TMEM131L: variants seen among roughly 807,000 people sequenced by gnomAD.
The protein encoded by TMEM131L is transmembrane 131 like.
Under a neutral mutation model 192.2 loss-of-function variants are expected in TMEM131L, and 54 were observed. The ratio of observed to expected loss-of-function variants is 0.28; its 90% confidence interval spans 0.23 to 0.35. The LOEUF (loss-of-function observed/expected upper bound fraction) is 0.35. Ranked by LOEUF, TMEM131L falls within the 10% of genes least tolerant of loss-of-function variation. TMEM131L has a pLI of 1.00. For synonymous variants in TMEM131L, 701 were observed against 704.9 expected, an observed-to-expected ratio of 0.99 and a Z score of 0.09; for missense variants, 1,888 against 1,972.9, an observed-to-expected ratio of 0.96 and a Z score of 0.82.
rs1731235955 is a variant in TMEM131L at position 153,593,783 on chromosome 4, G to A, written c.1923-16G>A. 1.3e-6 allele frequency: 2 copies of A among 1,579,770 alleles called. No individual in the cohort carries two copies. The highest frequency in any genetic ancestry group is 1.3e-5 in the African/African-American group (1 of 74,362). ...GATGTGAGTGCTGTTTTAAACATTT[G>A]CTTTTTTCCTTATAGGTTTGGCACT... is the stretch of plus-strand genomic sequence containing the variant. On this transcript the variant is annotated splice_polypyrimidine_tract_variant and intron_variant, in intron 18 of 34. Transcript: ENST00000409959.
intron 3 of TMEM131L, among the ~76,000 whole-genome samples, chr4:153,512,654 G>T (rs1224428169): frequency 1.3e-5 from 2 of 151,840 alleles, no homozygotes; most frequent in African/African-American, 4.8e-5. Flanking sequence ...TTGCTCTGTC[G>T]CCAGGCTGGA....
At chr4:153,517,844 G>A (rs1241752579) in intron 3 of TMEM131L, among the ~76,000 whole-genome samples, 2 of 152,196 alleles carry the variant, frequency 1.3e-5, no homozygotes, top group East Asian at 3.8e-4. Context: ...AATGGTGGTA[G>A]TAGGCACCCA....
In TMEM131L at chr4:153,636,386, A is replaced by G. The variant is rs1294382055; in HGVS notation, c.4643A>G (p.Asn1548Ser). ...GCCCCGCAAAGCGATGTGTATGAAA[A>G]TTGCTGCCCCATCAACCCCACCACG... ...IWAPQSDVYE[N>S]CCPINPTTEH... Residue 1548 changes from asparagine (N) to serine (S), a missense_variant, in exon 35 of 35, where the codon AAT becomes AGT. Transcript: ENST00000409959. 6.2e-7 allele frequency: 1 copy of G among 1,614,076 alleles called. No homozygotes were observed. Among genetic ancestry groups the G allele is most frequent in the South Asian group, 1.1e-5 (1 of 91,076 alleles).
At chr4:153,529,165 A>G (rs1203906721) in intron 3 of TMEM131L, among the ~76,000 whole-genome samples, 1 of 152,112 alleles carries the variant, frequency 6.6e-6, no homozygotes, top group Non-Finnish European at 1.5e-5. Flanking sequence ...CATGTCTTTG[A>G]ACCTTGACTT....
intron 2 of TMEM131L, among the ~76,000 whole-genome samples, chr4:153,472,013 C>T (rs1465750732): frequency 6.6e-6 from 1 of 151,962 alleles, no homozygotes; most frequent in African/African-American, 2.4e-5. Flanking sequence ...GAATCATTGA[C>T]CAGTATTTGG....
intron 20 of TMEM131L, among the ~76,000 whole-genome samples, 159 bp from the exon 21 acceptor site, chr4:153,598,431 A>G (rs1333237335): frequency 1.3e-5 from 2 of 152,214 alleles, no homozygotes; most frequent in African/African-American, 2.4e-5. Context: ...TTATTCTGTG[A>G]GATGGAAGAA....
chr4:153,622,122 C>G (rs1733467047), intron 28 of TMEM131L, among the ~76,000 whole-genome samples: 1 of 152,202 alleles, frequency 6.6e-6, no homozygotes, highest in African/African-American at 2.4e-5. Flanking sequence ...TGCTTGCTTG[C>G]TGCAGATAGG....
intron 26 of TMEM131L, among the ~76,000 whole-genome samples, chr4:153,617,568 A>G (rs942834890): frequency 2.0e-5 from 3 of 152,082 alleles, no homozygotes; most frequent in African/African-American, 7.2e-5. Flanking sequence ...ATTTTCCTTC[A>G]TTTTTTGTAG....
chr4:153,526,512 A>G (rs960514022), intron 3 of TMEM131L, among the ~76,000 whole-genome samples: 2 of 152,006 alleles, frequency 1.3e-5, no homozygotes, highest in Non-Finnish European at 2.9e-5. Flanking sequence ...AGGCAGGTGG[A>G]TCACGAGGTC....
rs766597925 is a variant in TMEM131L at position 153,602,740 on chromosome 4, T to G, written c.2639+13T>G. 6.2e-7 allele frequency: 1 copy of G among 1,612,744 alleles called. No individual in the cohort carries two copies. The highest frequency in any genetic ancestry group is 1.1e-5 in the South Asian group (1 of 90,974). On this transcript the variant is annotated intron_variant, in intron 23 of 34. Coordinates refer to ENST00000409959, the MANE Select transcript of TMEM131L (RefSeq NM_001131007.2). The stretch of plus-strand genomic sequence containing the variant: ...TCTTCTTTGTCAGGTAAACCACTAC[T>G]GTCTCCCTTGTTCTCTCACTGAGTA...
chr4:153,553,720 C>T (rs10034485), intron 4 of TMEM131L, among the ~76,000 whole-genome samples: 66,162 of 152,004 alleles, frequency 0.44, 18,259 homozygotes, highest in African/African-American at 0.78. Context: ...TCTTGTTACT[C>T]GGTTGCCTTC....
chr4:153,601,252 C>G (rs534646957), intron 21 of TMEM131L, among the ~76,000 whole-genome samples: 1 of 152,122 alleles, frequency 6.6e-6, no homozygotes, highest in Non-Finnish European at 1.5e-5. Flanking sequence ...TAGAACCAGA[C>G]CTGTCGCCAT....
intron 25 of TMEM131L, among the ~76,000 whole-genome samples, chr4:153,607,351 T>G (rs928984637): frequency 7.9e-5 from 12 of 152,246 alleles, no homozygotes; most frequent in African/African-American, 2.9e-4. Context: ...TATTTTACTT[T>G]GTGAAATGTG....
chr4:153,552,909 A>G (rs1245924839), intron 4 of TMEM131L, among the ~76,000 whole-genome samples: 8 of 151,696 alleles, frequency 5.3e-5, no homozygotes, highest in Non-Finnish European at 1.2e-4. Flanking sequence ...AAATAGTTAT[A>G]CTGTATCTCT....
Position 153,470,939 on chromosome 4 carries a change from G to A in TMEM131L, c.196-2906G>A, listed in dbSNP as rs567659252. 9.2e-5 allele frequency among the ~76,000 whole-genome samples: 14 copies of A among 151,982 alleles called. 1 individual carries two copies. In the South Asian group the frequency reaches 2.5e-3, roughly 27 times the overall value. On this transcript the variant is annotated intron_variant, in intron 2 of 34. Transcript: ENST00000409959. ...CCTGCCCTGCAGTGGCATTGTCATCGTTTCTCCCTCTTTGAGTTTCTTGTA... is the reference window on the plus strand; with the variant it reads ...CCTGCCCTGCAGTGGCATTGTCATCATTTCTCCCTCTTTGAGTTTCTTGTA...
intron 3 of TMEM131L, among the ~76,000 whole-genome samples, chr4:153,510,743 G>A (rs999893111): frequency 6.6e-6 from 1 of 152,062 alleles, no homozygotes; most frequent in South Asian, 2.1e-4. Flanking sequence ...TTAGCTGGAC[G>A]CGGTGGCACG....
chr4:153,466,402 C>T lies in TMEM131L; in HGVS notation c.5C>T (p.Ala2Val), dbSNP rs1248891431. ...GAGAGGAGCGCGAGCAGCAGCATGG[C>T]GGGGCTCCGACGCCCGCAGCCCGGC... Reference protein sequence around the residue: MAGLRRPQPGCY... With the variant: MVGLRRPQPGCY... Residue 2 changes from alanine to valine, a missense_variant, in exon 1 of 35, where the codon GCG becomes GTG. Ala to Val is a moderately conservative substitution (Grantham distance 64). Coordinates refer to ENST00000409959, the MANE Select transcript of TMEM131L (RefSeq NM_001131007.2). The T allele has an allele frequency of 7.5e-6, 10 of 1,338,724 alleles. No homozygotes were observed. The highest frequency in any genetic ancestry group is 4.5e-5 in the African/African-American group (3 of 66,118). The allele number at this position is 1,338,724 out of a possible 1,614,324, so 82.9% of individuals were successfully genotyped here. A position where few individuals can be genotyped will look rare whatever the true frequency, so the allele number is the denominator to read the frequency against.
intron 7 of TMEM131L, among the ~76,000 whole-genome samples, chr4:153,564,390 A>G (rs182294058): frequency 6.6e-6 from 1 of 151,478 alleles, no homozygotes; most frequent in Admixed American, 6.6e-5. Flanking sequence ...TCTAGGAGGA[A>G]CCAGCCCTCA....
intron 3 of TMEM131L, among the ~76,000 whole-genome samples, chr4:153,516,422 G>T (rs1205904205): frequency 1.3e-5 from 2 of 151,936 alleles, no homozygotes; most frequent in African/African-American, 4.8e-5. Context: ...TAGAGACAGG[G>T]TTTCGCCATA....
Sources: gnomAD v4.1 joint callset for allele counts (sites outside exome capture counted in the v4.1 genomes callset) on GRCh38, gnomAD v4.1.1 for gene constraint, MANE v1.5 for transcripts, NCBI Gene and HGNC (gene_info 2026-07-23, HGNC 2026-07-21) for gene names.